The following BCL2L11 variants were observed in gnomAD, a reference collection of about 807,000 sequenced individuals.
BCL2L11 encodes the protein BCL2 like 11.
BCL2L11 carries 15 observed loss-of-function variants against 20.6 expected under a neutral mutation model. The ratio of observed to expected loss-of-function variants is 0.73; its 90% CI spans 0.49 to 1.12. BCL2L11 has a LOEUF of 1.12. BCL2L11 is among the 50% of genes most tolerant of loss of function. BCL2L11 has a pLI of 0.00. For synonymous variants in BCL2L11, 108 were observed against 92.8 expected (o/e 1.16, Z -0.94); for missense variants, 292 against 260.9 (o/e 1.12, Z -0.82).
chr2:111,127,068 G>A (rs1254222967), intron 2 of BCL2L11, among the ~76,000 whole-genome samples: 1 of 152,058 alleles, frequency 6.6e-6, no homozygotes, highest in African/African-American at 2.4e-5. Flanking sequence ...ATTTCTCTGT[G>A]GGGCAACAGA....
intron 3 of BCL2L11, among the ~76,000 whole-genome samples, chr2:111,162,538 A>C (rs1420014173): frequency 6.6e-6 from 1 of 152,334 alleles, no homozygotes; most frequent in East Asian, 1.9e-4. Context: ...GTCCTCAAAG[A>C]GTGGGCAGGA....
At chr2:111,159,826 ACC>A (rs2078340316) in intron 3 of BCL2L11, among the ~76,000 whole-genome samples, 1 of 152,180 alleles carries the variant, frequency 6.6e-6, no homozygotes, top group African/African-American at 2.4e-5. Context: ...CCAGGTTGCC[ACC>A]CAGATGAGCT....
chr2:111,133,852 T>C (rs2074385367), intron 2 of BCL2L11, among the ~76,000 whole-genome samples: 1 of 152,194 alleles, frequency 6.6e-6, no homozygotes, highest in Non-Finnish European at 1.5e-5. Flanking sequence ...TCCTTTCAGC[T>C]CTATTAGAGT....
At chr2:111,122,553 C>G (rs1376447455) in intron 1 of BCL2L11, 1 of 953,900 alleles carries the variant, frequency 1.0e-6, no homozygotes. Context: ...GCGCGCGGAC[C>G]AATTGGGAAC....
Position 111,146,305 on chromosome 2 carries a change from C to T in BCL2L11, c.395-3739C>T, listed in dbSNP as rs1028349819. 1.2e-5 allele frequency: 10 copies of T among 865,992 alleles called. No individual in the cohort carries two copies. In the East Asian group the frequency reaches 3.7e-4, roughly 32 times the overall value. 53.6% of individuals were successfully genotyped at this position (865,992 alleles called of 1,614,324 possible). ...ATAGACCAGGTATCAACATTTACGGCGGTCAGACACATTGCAGATAGCAAA... is the reference window on the plus strand; with the variant it reads ...ATAGACCAGGTATCAACATTTACGGTGGTCAGACACATTGCAGATAGCAAA... On this transcript the variant is annotated intron_variant, in intron 2 of 3. Coordinates refer to ENST00000393256, the MANE Select transcript of BCL2L11 (RefSeq NM_138621.5).
At position 111,124,104 on chromosome 2, in the gene BCL2L11, C is replaced by T. The variant is rs1302870608; in HGVS notation, c.359C>T (p.Pro120Leu). ...CDKSTQTPSP[P>L]CQAFNHYLSA... ...AAATCAACACAAACCCCAAGTCCTC[C>T]TTGCCAGGCCTTCAACCACTATCTC... is the stretch of plus-strand genomic sequence containing the variant. Residue 120 changes from proline (P) to leucine (L), a missense_variant, in exon 2 of 4, where the codon CCT (proline) becomes CTT (leucine). Physicochemically the swap from Pro to Leu is moderately conservative, Grantham distance 98 (BLOSUM62 -3). Transcript: ENST00000393256. 2 of 1,613,034 alleles carry T rather than the reference C, an allele frequency of 1.2e-6. No homozygotes were observed. Among genetic ancestry groups the T allele is most frequent in the East Asian group, 2.2e-5 (1 of 44,880 alleles).
intron 2 of BCL2L11, among the ~76,000 whole-genome samples, chr2:111,143,059 C>T (rs747503814): frequency 6.6e-6 from 1 of 152,118 alleles, no homozygotes; most frequent in Non-Finnish European, 1.5e-5. Flanking sequence ...AAAGTAATTT[C>T]AGGGTTGGTC....
At chr2:111,151,522 C>G (rs1372076704) in intron 3 of BCL2L11, among the ~76,000 whole-genome samples, 1 of 151,350 alleles carries the variant, frequency 6.6e-6, no homozygotes, top group Non-Finnish European at 1.5e-5. Flanking sequence ...AATCTGTTTT[C>G]TAGGGGAGGT....
rs142670904 is a variant in BCL2L11 at position 111,123,978 on chromosome 2, C to T, written c.233C>T (p.Pro78Leu). ...ASPGPFATRS[P>L]LFIFMRRSSL... ...CCTGGCCCTTTTGCTACCAGATCCC[C>T]GCTTTTCATCTTTATGAGAAGATCC... Residue 78 changes from proline to leucine, a missense_variant, in exon 2 of 4, where the codon CCG becomes CTG. Physicochemically the swap from Pro to Leu is moderately conservative, Grantham distance 98. Coordinates refer to ENST00000393256, the MANE Select transcript of BCL2L11 (RefSeq NM_138621.5). 6.2e-6 allele frequency: 10 copies of T among 1,614,116 alleles called. No homozygotes were observed. The highest frequency in any genetic ancestry group is 5.1e-6 in the Non-Finnish European group (6 of 1,180,054).
chr2:111,148,917 C>G (rs370394114), intron 2 of BCL2L11, among the ~76,000 whole-genome samples: 7 of 152,268 alleles, frequency 4.6e-5, no homozygotes, highest in African/African-American at 1.7e-4. Flanking sequence ...TTTTACTGGC[C>G]TTTTACAAAA....
At chr2:111,129,875 CT>C (rs538337368) in intron 2 of BCL2L11, among the ~76,000 whole-genome samples, 222 of 152,226 alleles carry the variant, frequency 1.5e-3, no homozygotes, top group Admixed American at 3.6e-3. Flanking sequence ...TGTATGTGAC[CT>C]TTTGAGATTG....
intron 2 of BCL2L11, among the ~76,000 whole-genome samples, chr2:111,129,953 T>G (rs2073564880): frequency 6.6e-6 from 1 of 152,212 alleles, no homozygotes. Context: ...AGTGCCTTGT[T>G]TTTTTATTGC....
At chr2:111,148,374 A>G (rs557903876) in intron 2 of BCL2L11, among the ~76,000 whole-genome samples, 2 of 152,350 alleles carry the variant, frequency 1.3e-5, no homozygotes, top group East Asian at 3.9e-4. Context: ...TCAGGGAAAG[A>G]ACACTTAAAA....
intron 2 of BCL2L11, chr2:111,145,910 T>G (rs2076431544): frequency 2.0e-5 from 19 of 939,306 alleles, no homozygotes; most frequent in Non-Finnish European, 2.4e-5. Context: ...AAGTTTTGAT[T>G]AGTGGCTTTC....
At chr2:111,130,116 T>C (rs771090191) in intron 2 of BCL2L11, 1 of 393,524 alleles carries the variant, frequency 2.5e-6, no homozygotes, top group Non-Finnish European at 5.0e-6. Context: ...TCTCTTTTTT[T>C]TTTTTTTTGT....
At chr2:111,147,191 A>G (rs1046011292) in intron 2 of BCL2L11, among the ~76,000 whole-genome samples, 4 of 152,170 alleles carry the variant, frequency 2.6e-5, no homozygotes, top group Non-Finnish European at 1.5e-5. Context: ...CAACTCTCCT[A>G]ACTCTGAAAT....
Position 111,123,976 on chromosome 2 carries a change from C to T in BCL2L11, c.231C>T (p.Ser77=), listed in dbSNP as rs753904795. Residue 77 remains serine, a synonymous_variant, in exon 2 of 4, where the codon TCC becomes TCT. Transcript: ENST00000393256. ...GCCCTGGCCCTTTTGCTACCAGATCCCCGCTTTTCATCTTTATGAGAAGAT... is the reference window on the plus strand; with the variant it reads ...GCCCTGGCCCTTTTGCTACCAGATCTCCGCTTTTCATCTTTATGAGAAGAT... The part of the protein sequence containing the change: ...PASPGPFATR[S]PLFIFMRRSS... The T allele has an allele frequency of 1.2e-6, 2 of 1,614,238 alleles. No individual in the cohort carries two copies. Among genetic ancestry groups the T allele is most frequent in the Admixed American group, 3.3e-5 (2 of 60,034 alleles).
intron 2 of BCL2L11, among the ~76,000 whole-genome samples, chr2:111,147,280 G>A (rs919349944): frequency 2.0e-5 from 3 of 151,208 alleles, no homozygotes; most frequent in Admixed American, 1.3e-4. Context: ...TTGGGAAACC[G>A]TCTGCACCAG....
In BCL2L11 at chr2:111,166,277, T is replaced by G. The variant is rs886593899; in HGVS notation, c.*2046T>G. 3.3e-5 allele frequency: 5 copies of G among 152,774 alleles called. No individual in the cohort carries two copies. Among genetic ancestry groups the G allele is most frequent in the Non-Finnish European group, 7.3e-5 (5 of 68,114 alleles). 9.5% of individuals were successfully genotyped at this position (152,774 alleles called of 1,614,324 possible). A position where few individuals can be genotyped will look rare whatever the true frequency, so the allele number is the denominator to read the frequency against. ...CCCTGCAGCCCCTGGGAGCACACAC[T>G]GGGTGCAGCCCTGGGCCAGGCACGG... is the stretch of plus-strand genomic sequence containing the variant. On this transcript the variant is annotated 3_prime_UTR_variant, in exon 4 of 4. Coordinates refer to ENST00000393256, the MANE Select transcript of BCL2L11 (RefSeq NM_138621.5).
Sources: gnomAD v4.1 joint callset for allele counts (sites outside exome capture counted in the v4.1 genomes callset) on GRCh38, gnomAD v4.1.1 for gene constraint, MANE v1.5 for transcripts, NCBI Gene and HGNC (gene_info 2026-07-23, HGNC 2026-07-21) for gene names.